The following RTN3 variants were observed in gnomAD, a reference collection of about 807,000 sequenced individuals.
The protein encoded by RTN3 is reticulon 3.
A neutral mutation model predicts 77.8 loss-of-function variants in RTN3; 49 were observed. The ratio of observed to expected loss-of-function variants is 0.63; its 90% confidence interval spans 0.50 to 0.80. RTN3 has a LOEUF of 0.80. RTN3 is among the 30% of genes least tolerant of loss of function. The probability of loss-of-function intolerance (pLI) is 0.00; values close to 1 mark genes in which losing one functional copy is unlikely to be tolerated. For missense variants in RTN3, 1,236 were observed against 1,211.9 expected, an observed-to-expected ratio of 1.02 and a Z score of -0.29; for synonymous variants, 464 against 446.9, an observed-to-expected ratio of 1.04 and a Z score of -0.48.
At chr11:63,697,292 C>T (rs1942009541) in intron 1 of RTN3, among the ~76,000 whole-genome samples, 1 of 151,620 alleles carries the variant, frequency 6.6e-6, no homozygotes, top group East Asian at 1.9e-4. Flanking sequence ...AGCAGGTCCA[C>T]TTATGCTTTT....
intron 1 of RTN3, among the ~76,000 whole-genome samples, chr11:63,703,468 A>G (rs979394845): frequency 6.6e-6 from 1 of 152,184 alleles, no homozygotes; most frequent in African/African-American, 2.4e-5. Context: ...TTGCCAAAGC[A>G]AGTGATAGGT....
At chr11:63,750,384 G>T (rs987031592) in intron 4 of RTN3, 186 bp downstream of exon 4, 4 of 569,544 alleles carry the variant, frequency 7.0e-6, no homozygotes, top group Non-Finnish European at 1.2e-5. Context: ...TAGAAGCCAA[G>T]AACTTTTTGA....
Position 63,720,822 on chromosome 11 carries a change from C to T in RTN3, c.2320C>T (p.Leu774=). ...RDAELPSEEV[L]KQTFTFAPES... ...CGCAGAATTGCCTTCTGAAGAAGTACTGAAGCAAACTTTCACATTTGCTCC... is the reference window on the plus strand; with the variant it reads ...CGCAGAATTGCCTTCTGAAGAAGTATTGAAGCAAACTTTCACATTTGCTCC... The change falls in exon 3 of 9, where the codon CTG becomes TTG. Residue 774 remains leucine (L), a synonymous_variant. Coordinates refer to ENST00000377819, the MANE Select transcript of RTN3 (RefSeq NM_001265589.2). 2.5e-6 allele frequency: 4 copies of T among 1,613,940 alleles called. No homozygotes were observed. Among genetic ancestry groups the T allele is most frequent in the Non-Finnish European group, 3.4e-6 (4 of 1,179,986 alleles).
At chr11:63,688,843 G>A (rs1309737874) in intron 1 of RTN3, among the ~76,000 whole-genome samples, 1 of 152,150 alleles carries the variant, frequency 6.6e-6, no homozygotes, top group Non-Finnish European at 1.5e-5. Context: ...AATGAAGTTT[G>A]GTCATGAAGG....
chr11:63,749,874 G>C, intron 3 of RTN3, 117 bp from the exon 4 acceptor site: 3 of 769,806 alleles, frequency 3.9e-6, no homozygotes, highest in Non-Finnish European at 6.4e-6. Flanking sequence ...AACAAAACCA[G>C]ATTATCTTAA....
rs147570425 is a variant in RTN3 at position 63,751,519 on chromosome 11, A to G, written c.2739-988A>G. On this transcript the variant is annotated intron_variant, in intron 4 of 8. Transcript: ENST00000377819. Reference sequence around the variant, plus strand: ...TCTTGAAAATCTTACCCCATAAACAATGTTGACTTTAACGTGAGCAAATGA... The same window carrying G: ...TCTTGAAAATCTTACCCCATAAACAGTGTTGACTTTAACGTGAGCAAATGA... Among the ~76,000 whole-genome samples the G allele has an allele frequency of 2.4e-3, 363 of 152,224 alleles. 4 individuals carry two copies. Among genetic ancestry groups the G allele is most frequent in the African/African-American group, 7.6e-3 (314 of 41,538 alleles).
chr11:63,746,860 A>G, intron 3 of RTN3: 3 of 409,094 alleles, frequency 7.3e-6, no homozygotes, highest in Non-Finnish European at 1.5e-5. Flanking sequence ...ATTGATAAAC[A>G]GTACTTTTGT....
intron 3 of RTN3, among the ~76,000 whole-genome samples, chr11:63,736,742 A>G (rs1727657454): frequency 6.6e-6 from 1 of 152,220 alleles, no homozygotes; most frequent in Non-Finnish European, 1.5e-5. Flanking sequence ...TGCAAATACC[A>G]TGCTATTTTA....
chr11:63,756,062 A>G (rs2014366927), intron 7 of RTN3, 50 bp from the exon 8 acceptor site: 2 of 1,330,242 alleles, frequency 1.5e-6, no homozygotes, highest in African/African-American at 1.4e-5. Context: ...CTTCAGGAAA[A>G]TTGGTGATCT....
At chr11:63,727,361 A>C (rs150867882) in intron 3 of RTN3, among the ~76,000 whole-genome samples, 1 of 152,250 alleles carries the variant, frequency 6.6e-6, no homozygotes, top group Non-Finnish European at 1.5e-5. Flanking sequence ...AACTAACTGC[A>C]TGTGTTGGAA....
chr11:63,708,125 A>G (rs1385885907), intron 2 of RTN3, among the ~76,000 whole-genome samples: 1 of 152,098 alleles, frequency 6.6e-6, no homozygotes, highest in Admixed American at 6.6e-5. Flanking sequence ...AACTGTATTA[A>G]AACCCTGAAT....
At chr11:63,750,405 G>T (rs2014037961) in intron 4 of RTN3, 1 of 553,564 alleles carries the variant, frequency 1.8e-6, no homozygotes, top group Non-Finnish European at 3.2e-6. Flanking sequence ...CAAATTAGAG[G>T]CTCATACTTG....
At chr11:63,724,143 A>G (rs2012034143) in intron 3 of RTN3, among the ~76,000 whole-genome samples, 1 of 149,506 alleles carries the variant, frequency 6.7e-6, no homozygotes, top group Admixed American at 6.7e-5. Context: ...CAGACCTAGA[A>G]CTGCCCTAGC....
chr11:63,754,808 TC>T (rs1251960776), intron 7 of RTN3, among the ~76,000 whole-genome samples: 1 of 144,620 alleles, frequency 6.9e-6, no homozygotes, highest in Admixed American at 7.1e-5. Context: ...GCGCCTGTAG[TC>T]CCAGCTACTC....
chr11:63,753,211 G>C, intron 6 of RTN3, 73 bp downstream of exon 6: 1 of 1,411,890 alleles, frequency 7.1e-7, no homozygotes, highest in Non-Finnish European at 1.0e-6. Context: ...AGAAAGCCCA[G>C]CATGGCTCTA....
chr11:63,711,571 T>A (rs2011161946), intron 2 of RTN3, among the ~76,000 whole-genome samples: 4 of 151,622 alleles, frequency 2.6e-5, no homozygotes, highest in African/African-American at 9.7e-5. Flanking sequence ...AAACAAAAAA[T>A]TTTATTTTTG....
intron 1 of RTN3, 53 bp downstream of exon 1, chr11:63,681,831 G>A: frequency 6.8e-7 from 1 of 1,463,884 alleles, no homozygotes; most frequent in African/African-American, 1.5e-5. Flanking sequence ...CGGGAGCCTG[G>A]GGGCTGGGGG....
intron 3 of RTN3, among the ~76,000 whole-genome samples, chr11:63,732,636 A>ATCC (rs915806607): frequency 6.6e-6 from 1 of 152,218 alleles, no homozygotes; most frequent in Non-Finnish European, 1.5e-5. Flanking sequence ...AATGGACAAA[A>ATCC]TCCTTGAAAA....
intron 3 of RTN3, 137 bp downstream of exon 3, chr11:63,721,169 A>G (rs1441028287): frequency 1.3e-5 from 9 of 688,870 alleles, no homozygotes; most frequent in Non-Finnish European, 2.0e-5. Flanking sequence ...ATGATGGGAA[A>G]GGCAGATTCT....
Sources: gnomAD v4.1 joint callset for allele counts (sites outside exome capture counted in the v4.1 genomes callset) on GRCh38, gnomAD v4.1.1 for gene constraint, MANE v1.5 for transcripts, NCBI Gene and HGNC (gene_info 2026-07-23, HGNC 2026-07-21) for gene names.